Variants in ASTN1 observed in about 807,000 individuals in gnomAD.
The protein encoded by ASTN1 is astrotactin-1.
Under a neutral mutation model 140.7 loss-of-function variants are expected in ASTN1, and 41 were observed. That is an observed-to-expected ratio of 0.29 (90% CI 0.23 to 0.38). The LOEUF (loss-of-function observed/expected upper bound fraction) is 0.38. ASTN1 is among the 10% of genes least tolerant of loss of function. The pLI, the probability that ASTN1 is intolerant of heterozygous loss-of-function variation, is 1.00. For missense variants in ASTN1, 1,479 were observed against 1,678.8 expected (o/e 0.88, Z 2.08); for synonymous variants, 640 against 652.2 (o/e 0.98, Z 0.29).
chr1:177,003,180 A>AAC (rs905794424), intron 8 of ASTN1, among the ~76,000 whole-genome samples: 3 of 151,976 alleles, frequency 2.0e-5, no homozygotes, highest in East Asian at 3.9e-4. Flanking sequence ...GAAGGGACAT[A>AAC]ACACACACAC....
In ASTN1 at chr1:176,864,204, T is replaced by C. The variant is rs1668056498; in HGVS notation, c.*80A>G. On this transcript the variant is annotated 3_prime_UTR_variant, in exon 23 of 23. Transcript: ENST00000361833. Reference sequence around the variant, plus strand: ...GGTTTTCATGTTCCATTAAAAAATATTAAAAATCCACAGACCAACCCAGAT... The same window carrying C: ...GGTTTTCATGTTCCATTAAAAAATACTAAAAATCCACAGACCAACCCAGAT... 1.3e-6 allele frequency: 2 copies of C among 1,527,442 alleles called. No individual in the cohort carries two copies. Among genetic ancestry groups the C allele is most frequent in the Non-Finnish European group, 1.7e-6 (2 of 1,144,074 alleles). The allele number at this position is 1,527,442 out of a possible 1,614,324, so 94.6% of individuals were successfully genotyped here. A position where few individuals can be genotyped will look rare whatever the true frequency, so the allele number is the denominator to read the frequency against.
intron 17 of ASTN1, among the ~76,000 whole-genome samples, chr1:176,890,963 G>T (rs1669234105): frequency 6.6e-6 from 1 of 152,048 alleles, no homozygotes; most frequent in Admixed American, 6.5e-5. Flanking sequence ...GTAGGCAGAG[G>T]TTGCAGTGAG....
chr1:176,870,197 G>C (rs901349600), intron 21 of ASTN1, among the ~76,000 whole-genome samples: 2 of 152,192 alleles, frequency 1.3e-5, no homozygotes, highest in Non-Finnish European at 2.9e-5. Context: ...AAACAGCTTG[G>C]AAACTAAGAT....
Position 176,863,169 on chromosome 1 carries a change from C to G in ASTN1, c.*1115G>C. 1 of 985,900 alleles carries G rather than the reference C, an allele frequency of 1.0e-6. No individual in the cohort carries two copies. The highest frequency in any genetic ancestry group is 4.7e-5 in the South Asian group (1 of 21,292). The allele number at this position is 985,900 out of a possible 1,614,324, so 61.1% of individuals were successfully genotyped here. A position where few individuals can be genotyped will look rare whatever the true frequency, so the allele number is the denominator to read the frequency against. On this transcript the variant is annotated 3_prime_UTR_variant, in exon 23 of 23. Transcript: ENST00000361833. ...TCCCTGTGACTGGATGGGCAGTGAC[C>G]ATGGTGGAATCCTCCTGCTTATGGT... is the stretch of plus-strand genomic sequence containing the variant.
At chr1:177,130,669 A>C (rs528554737) in intron 1 of ASTN1, among the ~76,000 whole-genome samples, 1 of 152,290 alleles carries the variant, frequency 6.6e-6, no homozygotes, top group Admixed American at 6.5e-5. Flanking sequence ...TAATGCTCTA[A>C]ACCCCCAAGT....
At chr1:177,035,902 A>G (rs1242496006) in intron 2 of ASTN1, among the ~76,000 whole-genome samples, 1 of 152,186 alleles carries the variant, frequency 6.6e-6, no homozygotes, top group African/African-American at 2.4e-5. Context: ...TTTCTTAAAA[A>G]CATAACTTAT....
intron 1 of ASTN1, among the ~76,000 whole-genome samples, chr1:177,070,967 T>C (rs1016435661): frequency 6.6e-5 from 10 of 152,184 alleles, no homozygotes; most frequent in African/African-American, 2.4e-4. Context: ...ATCACTCACA[T>C]AAATCCTAAA....
At chr1:177,063,652 C>G (rs1207524661) in intron 1 of ASTN1, among the ~76,000 whole-genome samples, 1 of 152,128 alleles carries the variant, frequency 6.6e-6, no homozygotes, top group East Asian at 1.9e-4. Context: ...ACTCCATTCC[C>G]CACTTGGGCG....
At chr1:176,906,583 G>A (rs900513249) in intron 16 of ASTN1, among the ~76,000 whole-genome samples, 4 of 152,106 alleles carry the variant, frequency 2.6e-5, no homozygotes, top group African/African-American at 7.2e-5. Context: ...GATGGGCCTC[G>A]TGGTTCATGC....
In ASTN1 at chr1:177,158,784, G is replaced by T. The variant is rs1008395464; in HGVS notation, c.283+5610C>A. On this transcript the variant is annotated intron_variant, in intron 1 of 22. Coordinates refer to ENST00000361833, the MANE Select transcript of ASTN1 (RefSeq NM_004319.3). ...ATAAAGAAACTAAAATTGGCTGGGC[G>T]TGGTGGCTCACGCCTGTAATCCCAG... 4.6e-5 allele frequency among the ~76,000 whole-genome samples: 7 copies of T among 151,674 alleles called. No homozygotes were observed. In the Middle Eastern group the frequency reaches 0.01, roughly 221 times the overall value.
At chr1:177,154,108 G>C (rs1683148113) in intron 1 of ASTN1, among the ~76,000 whole-genome samples, 2 of 152,108 alleles carry the variant, frequency 1.3e-5, no homozygotes, top group Admixed American at 6.5e-5. Context: ...TTTCACAAAA[G>C]TCCTTGAGGA....
At chr1:176,930,284 C>T (rs1016687917) in intron 16 of ASTN1, among the ~76,000 whole-genome samples, 1 of 152,126 alleles carries the variant, frequency 6.6e-6, no homozygotes, top group Non-Finnish European at 1.5e-5. Context: ...GTAGTACTTA[C>T]AGGGAAGAGA....
chr1:176,938,962 CA>C (rs895267273), intron 14 of ASTN1, among the ~76,000 whole-genome samples: 2 of 151,220 alleles, frequency 1.3e-5, no homozygotes, highest in Admixed American at 6.6e-5. Context: ...TAAAAAAAAA[CA>C]AAAAACAAAA....
intron 1 of ASTN1, among the ~76,000 whole-genome samples, chr1:177,073,695 G>C (rs1186029102): frequency 6.6e-6 from 1 of 150,732 alleles, no homozygotes; most frequent in Non-Finnish European, 1.5e-5. Context: ...CCCTAGAGCA[G>C]AGTAATGTGG....
At chr1:177,001,029 TA>T (rs769049023) in intron 8 of ASTN1, among the ~76,000 whole-genome samples, 4 of 152,168 alleles carry the variant, frequency 2.6e-5, no homozygotes, top group Admixed American at 1.3e-4. Context: ...AAGATCCAAT[TA>T]GGTTCAGAAA....
chr1:177,104,467 G>A (rs752867579), intron 1 of ASTN1, among the ~76,000 whole-genome samples: 3 of 152,122 alleles, frequency 2.0e-5, no homozygotes, highest in Non-Finnish European at 4.4e-5. Flanking sequence ...ACAAAGTCAT[G>A]TTTTATTGGA....
chr1:177,116,830 A>G (rs1681112923), intron 1 of ASTN1, among the ~76,000 whole-genome samples: 1 of 152,024 alleles, frequency 6.6e-6, no homozygotes, highest in African/African-American at 2.4e-5. Flanking sequence ...CCATTTTTCA[A>G]GCTTTTGTAT....
intron 8 of ASTN1, among the ~76,000 whole-genome samples, chr1:176,978,666 G>C (rs1673472502): frequency 6.6e-6 from 1 of 152,112 alleles, no homozygotes; most frequent in African/African-American, 2.4e-5. Context: ...GAAATGATAA[G>C]GTTGAACTGA....
intron 19 of ASTN1, among the ~76,000 whole-genome samples, chr1:176,883,402 G>A (rs1361520672): frequency 6.6e-6 from 1 of 152,000 alleles, no homozygotes; most frequent in Non-Finnish European, 1.5e-5. Context: ...CACCATGTTG[G>A]TCAGGATGGT....
Sources: gnomAD v4.1 joint callset for allele counts (sites outside exome capture counted in the v4.1 genomes callset) on GRCh38, gnomAD v4.1.1 for gene constraint, MANE v1.5 for transcripts, NCBI Gene and HGNC (gene_info 2026-07-23, HGNC 2026-07-21) for gene names.